The following FLNC variants were observed in gnomAD, a reference collection of about 807,000 sequenced individuals.
FLNC encodes the protein filamin-C.
In FLNC, 91 loss-of-function variants were observed where a neutral mutation model predicts 254.3. That is an observed-to-expected ratio of 0.36 (90% confidence interval 0.30 to 0.43). The LOEUF is 0.43. Among genes scored for constraint, FLNC ranks in the 20% least tolerant of loss-of-function variants. FLNC has a pLI of 1.00. For synonymous variants in FLNC, 1,430 were observed against 1,577.2 expected (o/e 0.91, Z 2.21); for missense variants, 2,853 against 3,802.6 (o/e 0.75, Z 6.57).
chr7:128,842,677 G>T lies in FLNC; in HGVS notation c.2368G>T (p.Asp790Tyr). The T allele has an allele frequency of 6.4e-7, 1 of 1,556,468 alleles. No homozygotes were observed. Among genetic ancestry groups the T allele is most frequent in the Non-Finnish European group, 8.7e-7 (1 of 1,149,820 alleles). The change falls in exon 15 of 48, where the codon GAC (aspartate) becomes TAC (tyrosine). Residue 790 changes from aspartate to tyrosine, a missense_variant. Transcript: ENST00000325888. The surrounding 1 kb of genome is among the most constrained non-coding windows in gnomAD (Gnocchi z 5.4). ...CAATGAGCCCACCTACTTCACGGTG[G>T]ACTGCAGCGAGGCGGGGCAAGGTGC... ...KANEPTYFTV[D>Y]CSEAGQGDVS... is the part of the protein sequence containing the mutation.
chr7:128,846,212 G>A, intron 22 of FLNC, 49 bp downstream of exon 22: 1 of 1,613,108 alleles, frequency 6.2e-7, no homozygotes, highest in African/African-American at 1.3e-5. Context: ...CAAGTGGGCA[G>A]GGCCGGGATC....
chr7:128,846,679 A>G (rs1226501168), intron 23 of FLNC, 66 bp from the exon 24 acceptor site: 15 of 1,533,600 alleles, frequency 9.8e-6, no homozygotes, highest in Non-Finnish European at 1.2e-5. Flanking sequence ...CTGTCCCCCC[A>G]TTCAGCTACT....
chr7:128,856,929 C>T lies in FLNC; in HGVS notation c.7561+8C>T. The T allele has an allele frequency of 6.2e-7, 1 of 1,613,274 alleles. No homozygotes were observed. Among genetic ancestry groups the T allele is most frequent in the Non-Finnish European group, 8.5e-7 (1 of 1,179,512 alleles). On this transcript the variant is annotated splice_region_variant and intron_variant, in intron 45 of 47. Transcript: ENST00000325888. The surrounding 1 kb of genome is among the most constrained non-coding windows in gnomAD (Gnocchi z 5.9). ...TCGAGGGAGGCACTACCGGTGAGTG[C>T]CTGGAGCTGGGGAACAGGGTGACTT...
chr7:128,858,208 A>G lies in FLNC; in HGVS notation c.7981A>G (p.Ser2661Gly). The change falls in exon 47 of 48, where the codon AGC becomes GGC. Residue 2661 changes from serine (S) to glycine (G), a missense_variant. Ser to Gly is a moderately conservative substitution (Grantham distance 56). This residue lies in a region of FLNC where 197 missense variants were observed against 351.5 expected (regional missense o/e 0.56). Transcript: ENST00000325888. This position sits in a 1 kb window ranked among gnomAD's most constrained non-coding sequence, Gnocchi z 6.7. ...GAAGAACTCCTTCACCGTGGACTGC[A>G]GCAAAGCAGGCAGGTGGCGGGGGGA... ...GQKNSFTVDC[S>G]KAGTNMMMVG... 2.7e-6 allele frequency: 4 copies of G among 1,480,644 alleles called. No individual in the cohort carries two copies. The highest frequency in any genetic ancestry group is 3.8e-6 in the Non-Finnish European group (4 of 1,059,466). The allele number at this position is 1,480,644 out of a possible 1,614,324, so 91.7% of individuals were successfully genotyped here. A position where few individuals can be genotyped will look rare whatever the true frequency, so the allele number is the denominator to read the frequency against.
At position 128,836,527 on chromosome 7, in the gene FLNC, C is replaced by T. The variant is rs892406449; in HGVS notation, c.602-633C>T. On this transcript the variant is annotated intron_variant, in intron 2 of 47. Transcript: ENST00000325888. The surrounding 1 kb of genome is among the most constrained non-coding windows in gnomAD (Gnocchi z 6.0). ...AAACCAAGCGCCCCTTCACCTGCAC[C>T]GTTCATAGGAGTGATCTGGGGCTGC... Among the ~76,000 whole-genome samples, 7 of 152,188 alleles carry T rather than the reference C, an allele frequency of 4.6e-5. No individual in the cohort carries two copies. Among genetic ancestry groups the T allele is most frequent in the East Asian group, 1.9e-4 (1 of 5,200 alleles).
chr7:128,850,625 C>T, intron 32 of FLNC, 142 bp downstream of exon 32: 1 of 1,217,712 alleles, frequency 8.2e-7, no homozygotes, highest in Non-Finnish European at 1.2e-6. Context: ...TTGGGCAGAG[C>T]CAGAACTCAG....
intron 8 of FLNC, among the ~76,000 whole-genome samples, chr7:128,839,377 C>G (rs1401073743): frequency 6.6e-6 from 1 of 152,180 alleles, no homozygotes; most frequent in Non-Finnish European, 1.5e-5. Flanking sequence ...TGCCTGTGTT[C>G]CGTGGTACCC....
intron 20 of FLNC, 40 bp from the exon 21 acceptor site, chr7:128,844,618 G>T: frequency 6.4e-7 from 1 of 1,572,000 alleles, no homozygotes. Context: ...GGGATGAGGA[G>T]GCCAGGTGCA....
At position 128,855,227 on chromosome 7, in the gene FLNC, T is replaced by G; in HGVS notation, c.7164T>G (p.Asn2388Lys). The G allele has an allele frequency of 6.2e-7, 1 of 1,613,526 alleles. No individual in the cohort carries two copies. Among genetic ancestry groups the G allele is most frequent in the Non-Finnish European group, 8.5e-7 (1 of 1,179,560 alleles). Reference protein sequence around the residue: ...PGDYEVSIKFNDEHIPDSPFV... With the variant: ...PGDYEVSIKFKDEHIPDSPFV... ...ACTATGAGGTCTCCATCAAGTTCAA[T>G]GATGAGCACATCCCAGACAGCCCCT... The change falls in exon 43 of 48, where the codon AAT becomes AAG. Residue 2388 changes from asparagine to lysine, a missense_variant. Physicochemically the swap from Asn to Lys is moderately conservative, Grantham distance 94. This residue lies in a region of FLNC where 551 missense variants were observed against 835.0 expected (regional missense o/e 0.66). Transcript: ENST00000325888.
chr7:128,850,626 C>G (rs1808767220), intron 32 of FLNC, 143 bp downstream of exon 32: 1 of 1,223,394 alleles, frequency 8.2e-7, no homozygotes, highest in Non-Finnish European at 1.2e-6. Flanking sequence ...TGGGCAGAGC[C>G]AGAACTCAGG....
In FLNC at chr7:128,852,901, C is replaced by T; in HGVS notation, c.6078C>T (p.Asn2026=). ...SVRKSGKHVT[N]SPFKILVGPS... ...GCAAGAGTGGCAAGCATGTCACCAA[C>T]AGCCCCTTCAAGATCCTGGTGGGGC... Residue 2026 remains asparagine, a synonymous_variant, in exon 37 of 48, where the codon AAC becomes AAT. Coordinates refer to ENST00000325888, the MANE Select transcript of FLNC (RefSeq NM_001458.5). 6.2e-7 allele frequency: 1 copy of T among 1,613,722 alleles called. No homozygotes were observed. The highest frequency in any genetic ancestry group is 8.5e-7 in the Non-Finnish European group (1 of 1,180,020).
At chr7:128,853,168 C>T in intron 37 of FLNC, 137 bp downstream of exon 37, 4 of 942,668 alleles carry the variant, frequency 4.2e-6, no homozygotes, top group Non-Finnish European at 6.7e-6. Flanking sequence ...GATTCGCATT[C>T]TGGGGCCCCT....
intron 8 of FLNC, 134 bp downstream of exon 8, chr7:128,838,937 G>A: frequency 1.3e-6 from 1 of 773,540 alleles, no homozygotes; most frequent in Non-Finnish European, 2.1e-6. Context: ...CAAGGTGGCT[G>A]GAGTTCCTAA....
intron 34 of FLNC, 42 bp downstream of exon 34, chr7:128,851,402 A>G (rs1474848200): frequency 6.2e-7 from 1 of 1,613,946 alleles, no homozygotes; most frequent in East Asian, 2.2e-5. Flanking sequence ...GAGACTCACC[A>G]GGGGCAGGGG....
At position 128,848,005 on chromosome 7, in the gene FLNC, C is replaced by A; in HGVS notation, c.4517C>A (p.Thr1506Asn). ...NGDGTHTVHYTPATDGPYTVA... is the reference protein window; with the variant it reads ...NGDGTHTVHYNPATDGPYTVA... ...GATGGCACCCACACTGTCCACTACA[C>A]CCCAGCCACTGACGGGCCCTACACG... The change falls in exon 26 of 48, where the codon ACC becomes AAC. Residue 1506 changes from threonine (T) to asparagine (N), a missense_variant. Around this residue, in one of 10 missense-constraint regions of FLNC, gnomAD observed 1,573 missense variants for 1,883.5 expected, o/e 0.84. Coordinates refer to ENST00000325888, the MANE Select transcript of FLNC (RefSeq NM_001458.5). 6.2e-7 allele frequency: 1 copy of A among 1,609,138 alleles called. No homozygotes were observed. The highest frequency in any genetic ancestry group is 8.5e-7 in the Non-Finnish European group (1 of 1,177,686).
Position 128,835,985 on chromosome 7 carries a change from A to G in FLNC, c.601+411A>G, listed in dbSNP as rs1465462186. ...AGAGAGAGGCAGTGTGGTGACCAGG[A>G]CTTGTAGCAAGACCAGGAGTTAGAT... On this transcript the variant is annotated intron_variant, in intron 2 of 47. Coordinates refer to ENST00000325888, the MANE Select transcript of FLNC (RefSeq NM_001458.5). The surrounding 1 kb of genome is among the most constrained non-coding windows in gnomAD (Gnocchi z 5.3). 6.6e-6 allele frequency among the ~76,000 whole-genome samples: 1 copy of G among 152,140 alleles called. No homozygotes were observed. The highest frequency in any genetic ancestry group is 2.4e-5 in the African/African-American group (1 of 41,434).
intron 35 of FLNC, 90 bp from the exon 36 acceptor site, chr7:128,852,501 A>AG (rs1189479143): frequency 2.6e-5 from 38 of 1,486,960 alleles, no homozygotes; most frequent in South Asian, 9.1e-5. Flanking sequence ...TGTTGAGTCC[A>AG]GGGGGGGCTG....
chr7:128,840,649 T>G lies in FLNC; in HGVS notation c.1651T>G (p.Trp551Gly). 1 of 1,614,104 alleles carries G rather than the reference T, an allele frequency of 6.2e-7. No homozygotes were observed. Among genetic ancestry groups the G allele is most frequent in the Non-Finnish European group, 8.5e-7 (1 of 1,180,010 alleles). Residue 551 changes from tryptophan (W) to glycine (G), a missense_variant, in exon 10 of 48, where the codon TGG becomes GGG. Around this residue, in one of 10 missense-constraint regions of FLNC, gnomAD observed 1,573 missense variants for 1,883.5 expected, o/e 0.84. Transcript: ENST00000325888. Reference sequence around the variant, plus strand: ...TGGGAAGTATGTGGTGACCATCACGTGGGGCGGCTACGCCATCCCTCGCAG... The same window carrying G: ...TGGGAAGTATGTGGTGACCATCACGGGGGGCGGCTACGCCATCCCTCGCAG... ...VPGKYVVTIT[W>G]GGYAIPRSPF...
Position 128,840,041 on chromosome 7 carries a change from G to C in FLNC, c.1430G>C (p.Cys477Ser), listed in dbSNP as rs560530105. 3.1e-6 allele frequency: 5 copies of C among 1,613,852 alleles called. No homozygotes were observed. In the African/African-American group the frequency reaches 6.7e-5, roughly 21 times the overall value. Reference protein sequence around the residue: ...HVSEACNPNACRASGRGLQPK... With the variant: ...HVSEACNPNASRASGRGLQPK... ...CCCCTAGCCTGTAACCCCAACGCCT[G>C]CCGCGCCTCTGGGCGAGGCCTGCAG... Residue 477 changes from cysteine to serine, a missense_variant, in exon 9 of 48, where the codon TGC (cysteine) becomes TCC (serine). Physicochemically the swap from Cys to Ser is moderately radical, Grantham distance 112. This residue lies in a region of FLNC where 1,573 missense variants were observed against 1,883.5 expected (regional missense o/e 0.84). Transcript: ENST00000325888.
Sources: gnomAD v4.1 joint callset for allele counts (sites outside exome capture counted in the v4.1 genomes callset) on GRCh38, gnomAD v4.1.1 for gene constraint, gnomAD v4.1.1 regional missense constraint, Gnocchi (gnomAD v3.1) non-coding constraint, MANE v1.5 for transcripts, NCBI Gene and HGNC (gene_info 2026-07-23, HGNC 2026-07-21) for gene names.